The following BTBD9 variants were observed in gnomAD, a reference collection of about 807,000 sequenced individuals.
BTBD9 encodes BTB/POZ domain-containing protein 9.
In BTBD9, 49 loss-of-function variants were observed where a neutral mutation model predicts 64.3. The ratio of observed to expected loss-of-function variants is 0.76; its 90% CI spans 0.61 to 0.97. The LOEUF is 0.97. Ranked by LOEUF, BTBD9 falls within the 50% of genes least tolerant of loss-of-function variation. The pLI is 0.00. For synonymous variants in BTBD9, 260 were observed against 274.7 expected (o/e 0.95, Z 0.53); for missense variants, 598 against 762.1 (o/e 0.78, Z 2.53).
intron 7 of BTBD9, among the ~76,000 whole-genome samples, chr6:38,320,644 A>G (rs191720971): frequency 1.1e-3 from 172 of 152,282 alleles, no homozygotes; most frequent in Middle Eastern, 0.01. Flanking sequence ...TTCTCTACCT[A>G]TAAAGATAAT....
chr6:38,433,247 T>C (rs2127297728), intron 6 of BTBD9, among the ~76,000 whole-genome samples: 1 of 152,068 alleles, frequency 6.6e-6, no homozygotes, highest in South Asian at 2.1e-4. Context: ...TCATGTCAGT[T>C]AAGATTCAGC....
chr6:38,512,313 C>T (rs934874107), intron 6 of BTBD9, among the ~76,000 whole-genome samples: 2 of 152,188 alleles, frequency 1.3e-5, no homozygotes, highest in East Asian at 3.8e-4. Context: ...CTACAGTTTG[C>T]ATCACTCATT....
intron 6 of BTBD9, among the ~76,000 whole-genome samples, chr6:38,399,270 A>G (rs1187470434): frequency 6.6e-6 from 1 of 152,226 alleles, no homozygotes. Flanking sequence ...AATATTTAGG[A>G]TATCTGGAAG....
intron 1 of BTBD9, among the ~76,000 whole-genome samples, chr6:38,610,525 CAAAT>C (rs1459037729): frequency 1.3e-5 from 2 of 152,082 alleles, no homozygotes; most frequent in East Asian, 1.9e-4. Context: ...GAGACAGAAA[CAAAT>C]AAACACTGTG....
chr6:38,554,720 T>C (rs1054379324), intron 6 of BTBD9, among the ~76,000 whole-genome samples: 1 of 152,120 alleles, frequency 6.6e-6, no homozygotes, highest in African/African-American at 2.4e-5. Context: ...AACCTTGGGG[T>C]ATTCCCCAGA....
chr6:38,482,567 G>C (rs555367824), intron 6 of BTBD9: 43 of 152,202 alleles, frequency 2.8e-4, no homozygotes, highest in African/African-American at 1.0e-3. Context: ...CCGCATGTTT[G>C]TGTAGCTGTT....
At chr6:38,280,009 AT>A (rs149272095) in intron 8 of BTBD9, among the ~76,000 whole-genome samples, 4,775 of 148,482 alleles carry the variant, frequency 0.032, 78 homozygotes, top group Middle Eastern at 0.083. Flanking sequence ...ACACAAACAT[AT>A]TTTTTTTTTT....
At chr6:38,564,953 T>C (rs1304745866) in intron 6 of BTBD9, among the ~76,000 whole-genome samples, 2 of 152,064 alleles carry the variant, frequency 1.3e-5, no homozygotes, top group Admixed American at 6.5e-5. Flanking sequence ...GCAGATAAAA[T>C]AGCAAATGTC....
intron 8 of BTBD9, among the ~76,000 whole-genome samples, chr6:38,272,842 TA>T (rs574134857): frequency 0.011 from 166 of 15,188 alleles, no homozygotes; most frequent in African/African-American, 0.1. Flanking sequence ...AGGAGATGAA[TA>T]CAGAAAGGTC....
At chr6:38,535,217 T>C (rs936059784) in intron 6 of BTBD9, among the ~76,000 whole-genome samples, 3 of 151,904 alleles carry the variant, frequency 2.0e-5, no homozygotes, top group Non-Finnish European at 4.4e-5. Context: ...TATACACCAA[T>C]GGCAAACAAT....
intron 8 of BTBD9, among the ~76,000 whole-genome samples, chr6:38,259,888 A>C (rs1056428225): frequency 6.6e-6 from 1 of 152,190 alleles, no homozygotes. Context: ...ATGAATCAGA[A>C]AGGATTCCAC....
chr6:38,209,675 C>CG (rs1325571569), intron 9 of BTBD9, among the ~76,000 whole-genome samples: 2 of 152,188 alleles, frequency 1.3e-5, no homozygotes, highest in Admixed American at 6.5e-5. Context: ...ATGGCCAAGG[C>CG]GGGCCCCTTG....
chr6:38,352,749 C>G (rs569051079), intron 6 of BTBD9, among the ~76,000 whole-genome samples: 7 of 152,196 alleles, frequency 4.6e-5, no homozygotes, highest in Non-Finnish European at 8.8e-5. Flanking sequence ...CCAGGAACTA[C>G]TCTTGCTTCA....
chr6:38,551,413 G>A (rs1468975939), intron 6 of BTBD9, among the ~76,000 whole-genome samples: 1 of 152,144 alleles, frequency 6.6e-6, no homozygotes, highest in Non-Finnish European at 1.5e-5. Flanking sequence ...GTTTCAGCAG[G>A]AAATGAGACT....
intron 7 of BTBD9, among the ~76,000 whole-genome samples, chr6:38,338,300 T>C (rs536103397): frequency 7.2e-4 from 109 of 152,338 alleles, no homozygotes; most frequent in Admixed American, 1.0e-3. Flanking sequence ...GATTTCATCA[T>C]GCTACCAGGA....
intron 9 of BTBD9, among the ~76,000 whole-genome samples, chr6:38,211,720 G>C (rs1762841413): frequency 6.9e-6 from 1 of 144,536 alleles, no homozygotes; most frequent in African/African-American, 2.6e-5. Flanking sequence ...CTCCAGCCTG[G>C]GCAACAGAGC....
At chr6:38,375,244 T>G (rs1389333523) in intron 6 of BTBD9, among the ~76,000 whole-genome samples, 1 of 152,254 alleles carries the variant, frequency 6.6e-6, no homozygotes, top group African/African-American at 2.4e-5. Context: ...GTCAAAGTCA[T>G]GCTCAAGGTT....
intron 6 of BTBD9, among the ~76,000 whole-genome samples, chr6:38,481,493 TAG>T (rs1207054564): frequency 6.6e-6 from 1 of 152,142 alleles, no homozygotes; most frequent in African/African-American, 2.4e-5. Context: ...TTAATGAGTC[TAG>T]AGAAAATGAA....
chr6:38,434,527 G>C (rs1183809071), intron 6 of BTBD9, among the ~76,000 whole-genome samples: 1 of 151,866 alleles, frequency 6.6e-6, no homozygotes, highest in African/African-American at 2.4e-5. Context: ...GATGTCTCCT[G>C]CCTCCCTAAA....
Sources: allele counts gnomAD v4.1 joint callset (sites outside exome capture counted in the v4.1 genomes callset), GRCh38; gene constraint gnomAD v4.1.1; transcripts MANE v1.5; gene names NCBI Gene and HGNC (gene_info 2026-07-23, HGNC 2026-07-21).